Variants in ZSWIM6 observed in about 807,000 individuals in gnomAD.
The protein encoded by ZSWIM6 is zinc finger SWIM-type containing 6.
A neutral mutation model predicts 113.2 loss-of-function variants in ZSWIM6; 9 were observed. That is an observed-to-expected ratio of 0.08 (90% CI 0.05 to 0.14). The LOEUF (loss-of-function observed/expected upper bound fraction) is 0.14. ZSWIM6 is among the 10% of genes least tolerant of loss of function. The pLI, the probability that ZSWIM6 is intolerant of heterozygous loss-of-function variation, is 1.00. For missense variants in ZSWIM6, 1,162 were observed against 1,552.2 expected (o/e 0.75, Z 4.22); for synonymous variants, 611 against 606.5 (o/e 1.01, Z -0.11).
intron 1 of ZSWIM6, among the ~76,000 whole-genome samples, chr5:61,371,299 A>G (rs1418579369): frequency 2.6e-5 from 4 of 152,204 alleles, no homozygotes; most frequent in Non-Finnish European, 5.9e-5. Context: ...TCAACTATCT[A>G]CACTTATTAT....
At chr5:61,468,299 A>G (rs1410947024) in intron 1 of ZSWIM6, among the ~76,000 whole-genome samples, 1 of 152,190 alleles carries the variant, frequency 6.6e-6, no homozygotes, top group Non-Finnish European at 1.5e-5. Flanking sequence ...AAAAATGGGG[A>G]TTCTAACATT....
At chr5:61,349,921 CTT>C (rs1744745637) in intron 1 of ZSWIM6, among the ~76,000 whole-genome samples, 1 of 152,122 alleles carries the variant, frequency 6.6e-6, no homozygotes, top group East Asian at 1.9e-4. Context: ...AAACACATAA[CTT>C]CAGAATATCC....
At chr5:61,502,938 T>C (rs1330561864) in intron 4 of ZSWIM6, among the ~76,000 whole-genome samples, 1 of 150,924 alleles carries the variant, frequency 6.6e-6, no homozygotes, top group Non-Finnish European at 1.5e-5. Context: ...CGTGGAAAAA[T>C]TTTCTTCCAC....
At chr5:61,437,445 G>A (rs541825299) in intron 1 of ZSWIM6, among the ~76,000 whole-genome samples, 5 of 152,144 alleles carry the variant, frequency 3.3e-5, no homozygotes, top group South Asian at 4.2e-4. Context: ...AATCCAGGCC[G>A]GGTGCGGTGG....
rs996839209 is a variant in ZSWIM6, at chr5:61,483,312, A to G, written c.1034-7474A>G. ...TACATTAATCCAAGAATGGATTAAT[A>G]CATTCACCAGGGCAGAGCCCTCATG... On this transcript the variant is annotated intron_variant, in intron 2 of 13. Transcript: ENST00000252744. Among the ~76,000 whole-genome samples the G allele has an allele frequency of 2.0e-5, 3 of 152,208 alleles. No individual in the cohort carries two copies. The East Asian group carries it at 5.8e-4, about 29-fold the overall frequency.
chr5:61,464,685 G>T (rs1747397446), intron 1 of ZSWIM6, among the ~76,000 whole-genome samples: 1 of 152,142 alleles, frequency 6.6e-6, no homozygotes, highest in Admixed American at 6.5e-5. Flanking sequence ...CCAGGTCTGA[G>T]CATACTTTCC....
intron 4 of ZSWIM6, among the ~76,000 whole-genome samples, chr5:61,499,074 C>T (rs968827581): frequency 1.3e-5 from 2 of 152,158 alleles, no homozygotes; most frequent in Non-Finnish European, 2.9e-5. Flanking sequence ...TTTTTGAGAA[C>T]TGGAAAGCTT....
intron 1 of ZSWIM6, among the ~76,000 whole-genome samples, chr5:61,410,924 T>TAAAA (rs1746138681): frequency 6.6e-6 from 1 of 152,202 alleles, no homozygotes; most frequent in Non-Finnish European, 1.5e-5. Context: ...TGCTTTTTAT[T>TAAAA]AGTTTTCCTA....
chr5:61,486,389 A>G (rs1423376518), intron 2 of ZSWIM6, among the ~76,000 whole-genome samples: 1 of 151,608 alleles, frequency 6.6e-6, no homozygotes, highest in Non-Finnish European at 1.5e-5. Flanking sequence ...ATCATGAAAA[A>G]TGCTGTGATA....
intron 1 of ZSWIM6, among the ~76,000 whole-genome samples, chr5:61,435,421 C>T (rs1316559381): frequency 6.6e-6 from 1 of 152,098 alleles, no homozygotes; most frequent in African/African-American, 2.4e-5. Flanking sequence ...GGGAACCATC[C>T]AAATGGAATT....
intron 4 of ZSWIM6, among the ~76,000 whole-genome samples, chr5:61,509,057 C>T (rs996020919): frequency 1.3e-5 from 2 of 152,008 alleles, no homozygotes; most frequent in African/African-American, 4.8e-5. Flanking sequence ...TGCTAGTAAC[C>T]CCAGAAATGT....
chr5:61,499,515 GA>G (rs1398203956), intron 4 of ZSWIM6, among the ~76,000 whole-genome samples: 1 of 152,216 alleles, frequency 6.6e-6, no homozygotes, highest in African/African-American at 2.4e-5. Context: ...AAGAATGGAT[GA>G]AGGAGAACTT....
Position 61,404,602 on chromosome 5 carries a change from C to T in ZSWIM6, c.677-68079C>T, listed in dbSNP as rs544366211. ...ACTGTTGCTAAAGCTTTTGCTCTTTCTATTCTTTTCTGCCAGTAGCTGCCT... is the reference window on the plus strand; with the variant it reads ...ACTGTTGCTAAAGCTTTTGCTCTTTTTATTCTTTTCTGCCAGTAGCTGCCT... On this transcript the variant is annotated intron_variant, in intron 1 of 13. Coordinates refer to ENST00000252744, the MANE Select transcript of ZSWIM6 (RefSeq NM_020928.2). Among the ~76,000 whole-genome samples the T allele has an allele frequency of 2.6e-5, 4 of 152,296 alleles. No homozygotes were observed. The East Asian group carries it at 7.7e-4, about 29-fold the overall frequency.
chr5:61,417,112 A>G (rs1431436355), intron 1 of ZSWIM6, among the ~76,000 whole-genome samples: 1 of 152,174 alleles, frequency 6.6e-6, no homozygotes, highest in African/African-American at 2.4e-5. Flanking sequence ...ATTGCACTCC[A>G]GCCTGGGCAA....
intron 1 of ZSWIM6, among the ~76,000 whole-genome samples, chr5:61,434,806 TG>T (rs1746671658): frequency 1.3e-5 from 2 of 152,098 alleles, no homozygotes; most frequent in African/African-American, 4.8e-5. Flanking sequence ...GTGGAGGATG[TG>T]AAAAAAAGAA....
chr5:61,496,628 G>A (rs1484733047), intron 4 of ZSWIM6, among the ~76,000 whole-genome samples: 1 of 152,070 alleles, frequency 6.6e-6, no homozygotes, highest in Non-Finnish European at 1.5e-5. Context: ...GCAGGCTTCT[G>A]GCTGTGAAAT....
rs1187931775 is a variant in ZSWIM6, at chr5:61,408,492, G to T, written c.677-64189G>T. 2.6e-5 allele frequency among the ~76,000 whole-genome samples: 4 copies of T among 152,318 alleles called. No individual in the cohort carries two copies. The East Asian group carries it at 7.7e-4, about 29-fold the overall frequency. On this transcript the variant is annotated intron_variant, in intron 1 of 13. Coordinates refer to ENST00000252744, the MANE Select transcript of ZSWIM6 (RefSeq NM_020928.2). Reference sequence around the variant, plus strand: ...ACATTGCTTTAAGGGGGAAACAGCAGTTTAGGGGGAGCAAGTGCATTTAAT... The same window carrying T: ...ACATTGCTTTAAGGGGGAAACAGCATTTTAGGGGGAGCAAGTGCATTTAAT...
At chr5:61,435,818 T>A (rs1746693639) in intron 1 of ZSWIM6, among the ~76,000 whole-genome samples, 1 of 152,284 alleles carries the variant, frequency 6.6e-6, no homozygotes, top group South Asian at 2.1e-4. Context: ...GAAATCTGAT[T>A]TAAGGTGGGA....
chr5:61,525,039 G>A (rs561516523), intron 5 of ZSWIM6, among the ~76,000 whole-genome samples: 3 of 152,232 alleles, frequency 2.0e-5, no homozygotes, highest in African/African-American at 4.8e-5. Context: ...AACCCTCTTC[G>A]GAGTGTATGG....
Sources: allele counts gnomAD v4.1 joint callset (sites outside exome capture counted in the v4.1 genomes callset), GRCh38; gene constraint gnomAD v4.1.1; transcripts MANE v1.5; gene names NCBI Gene and HGNC (gene_info 2026-07-23, HGNC 2026-07-21).